Variants in RUBCN observed in about 807,000 individuals in gnomAD.
RUBCN encodes the protein run domain Beclin-1-interacting and cysteine-rich domain-containing protein.
In RUBCN, 74 loss-of-function variants were observed where a neutral mutation model predicts 113.2. The ratio of observed to expected loss-of-function variants is 0.65; its 90% CI spans 0.54 to 0.79. The LOEUF (loss-of-function observed/expected upper bound fraction) is 0.79, where lower values mean the gene tolerates loss of function less well. Among genes scored for constraint, RUBCN ranks in the 30% least tolerant of loss-of-function variants. The probability of loss-of-function intolerance (pLI) is 0.00; values close to 1 mark genes in which losing one functional copy is unlikely to be tolerated. For synonymous variants in RUBCN, 480 were observed against 490.0 expected (o/e 0.98, Z 0.27); for missense variants, 1,109 against 1,251.7 (o/e 0.89, Z 1.72).
In RUBCN at chr3:197,674,903, A is replaced by T; in HGVS notation, c.*115T>A. On this transcript the variant is annotated 3_prime_UTR_variant, in exon 20 of 20. Coordinates refer to ENST00000296343, the MANE Select transcript of RUBCN (RefSeq NM_014687.4). Reference sequence around the variant, plus strand: ...AGTAAAAAAAAAAAAAAAGATGATGATAATTAAAAAAAAAAAAAAAAAAAG... The same window carrying T: ...AGTAAAAAAAAAAAAAAAGATGATGTTAATTAAAAAAAAAAAAAAAAAAAG... The T allele has an allele frequency of 6.2e-6, 5 of 812,058 alleles. No individual in the cohort carries two copies. Among genetic ancestry groups the T allele is most frequent in the Non-Finnish European group, 9.2e-6 (5 of 544,562 alleles). 50.3% of individuals were successfully genotyped at this position (812,058 alleles called of 1,614,324 possible).
chr3:197,704,856 C>A (rs1724107546), intron 3 of RUBCN, among the ~76,000 whole-genome samples, 155 bp from the exon 4 acceptor site: 2 of 151,808 alleles, frequency 1.3e-5, no homozygotes, highest in Admixed American at 1.3e-4. Flanking sequence ...TTGAAAATAG[C>A]AAAACTTTTT....
Position 197,678,481 on chromosome 3 carries a change from C to T in RUBCN, c.2431-940G>A, listed in dbSNP as rs373982758. Among the ~76,000 whole-genome samples the T allele has an allele frequency of 4.6e-5, 7 of 150,708 alleles. No individual in the cohort carries two copies. The East Asian group carries it at 9.9e-4, about 21-fold the overall frequency. On this transcript the variant is annotated intron_variant, in intron 16 of 19. Coordinates refer to ENST00000296343, the MANE Select transcript of RUBCN (RefSeq NM_014687.4). ...TGACAACTGGCTTCAGACTGTCCTA[C>T]GCTCTAACTGACAACTGGCTCCAGA... is the stretch of plus-strand genomic sequence containing the variant.
chr3:197,748,534 A>T lies in RUBCN; in HGVS notation c.-116+735T>A, dbSNP rs147988003. The T allele has an allele frequency of 1.8e-4, 28 of 152,222 alleles. No homozygotes were observed. The East Asian group carries it at 5.4e-3, about 29-fold the overall frequency. The allele number at this position is 152,222 out of a possible 1,614,324, so 9.4% of individuals were successfully genotyped here. On this transcript the variant is annotated intron_variant, in intron 1 of 20. Coordinates refer to the RUBCN transcript ENST00000273582. ...CCCAAAAGCCTAACAAAAATCATAC[A>T]TTTCCCCAAGATAAGACTACTAGGC...
intron 1 of RUBCN, among the ~76,000 whole-genome samples, chr3:197,721,425 T>C (rs986080277): frequency 4.6e-5 from 7 of 152,234 alleles, no homozygotes; most frequent in Admixed American, 3.9e-4. Flanking sequence ...CTAGTGATTC[T>C]TCATAGTTCT....
At chr3:197,703,425 A>AC (rs1723918473) in intron 5 of RUBCN, 123 bp downstream of exon 5, 1 of 441,850 alleles carries the variant, frequency 2.3e-6, no homozygotes, top group African/African-American at 2.2e-5. Flanking sequence ...AAAAAAAAAA[A>AC]AAAAAAATGC....
intron 11 of RUBCN, among the ~76,000 whole-genome samples, chr3:197,692,413 T>C (rs1261260138): frequency 1.3e-5 from 2 of 151,816 alleles, no homozygotes; most frequent in African/African-American, 2.4e-5. Flanking sequence ...CTGGGCATCA[T>C]TCAAGCAAAT....
intron 8 of RUBCN, among the ~76,000 whole-genome samples, chr3:197,696,626 G>T (rs1179692508): frequency 6.9e-6 from 1 of 145,606 alleles, no homozygotes; most frequent in Non-Finnish European, 1.5e-5. Context: ...TCTGTCTGCT[G>T]GTTACTAAGC....
chr3:197,721,336 G>A (rs952263906), intron 1 of RUBCN, among the ~76,000 whole-genome samples: 3 of 152,010 alleles, frequency 2.0e-5, no homozygotes, highest in Non-Finnish European at 2.9e-5. Flanking sequence ...ATTCAGTGTC[G>A]GTAAGCTGTA....
intron 16 of RUBCN, among the ~76,000 whole-genome samples, chr3:197,680,428 TCGA>T (rs1721082176): frequency 7.1e-6 from 1 of 140,934 alleles, no homozygotes; most frequent in South Asian, 2.3e-4. Context: ...ACGCTCTAAC[TCGA>T]CAAGTGGCTT....
chr3:197,723,822 C>G (rs1726433352), intron 1 of RUBCN, among the ~76,000 whole-genome samples: 1 of 152,076 alleles, frequency 6.6e-6, no homozygotes, highest in South Asian at 2.1e-4. Context: ...CAGCCAGGCG[C>G]AGTGGCTCAC....
intron 1 of RUBCN, among the ~76,000 whole-genome samples, chr3:197,743,712 G>A (rs770044335): frequency 3.3e-5 from 5 of 152,190 alleles, no homozygotes; most frequent in Admixed American, 6.5e-5. Context: ...TTGGCCAGGC[G>A]CGGTGGCTCA....
Position 197,681,141 on chromosome 3 carries a change from G to T in RUBCN, c.2418C>A (p.Leu806=). Reference sequence around the variant, plus strand: ...TCCAAGGTCTTACCCGGACTTGATTGAGCAGCTTGACCTTCCTATAGAGGG... The same window carrying T: ...TCCAAGGTCTTACCCGGACTTGATTTAGCAGCTTGACCTTCCTATAGAGGG... The part of the protein sequence containing the change: ...NSALYRKVKL[L]NQVRLLRVQL... The change falls in exon 16 of 20, where the codon CTC becomes CTA. Residue 806 remains leucine, a synonymous_variant. Coordinates refer to ENST00000296343, the MANE Select transcript of RUBCN (RefSeq NM_014687.4). This position sits in a 1 kb window ranked among gnomAD's most constrained non-coding sequence, Gnocchi z 5.5. 6.2e-7 allele frequency: 1 copy of T among 1,612,378 alleles called. No individual in the cohort carries two copies. Among genetic ancestry groups the T allele is most frequent in the South Asian group, 1.1e-5 (1 of 90,996 alleles).
At chr3:197,721,531 T>C (rs1726165081) in intron 1 of RUBCN, among the ~76,000 whole-genome samples, 1 of 152,098 alleles carries the variant, frequency 6.6e-6, no homozygotes, top group African/African-American at 2.4e-5. Flanking sequence ...TAATTTTATC[T>C]TCTGAAACAA....
chr3:197,701,872 GCAAAA>G lies in RUBCN; in HGVS notation c.571-13_571-9del. ...CTCGTGCTTTCTGGCAAACTAAAAAGCAAAACAAAACCAAAAAATGTGTCAGAGTT... is the reference window on the plus strand; with the variant it reads ...CTCGTGCTTTCTGGCAAACTAAAAAGCAAAACCAAAAAATGTGTCAGAGTT... On this transcript the variant is annotated splice_polypyrimidine_tract_variant and intron_variant, in intron 5 of 19. Coordinates refer to ENST00000296343, the MANE Select transcript of RUBCN (RefSeq NM_014687.4). The G allele has an allele frequency of 6.2e-7, 1 of 1,613,842 alleles. No homozygotes were observed. Among genetic ancestry groups the G allele is most frequent in the Non-Finnish European group, 8.5e-7 (1 of 1,179,910 alleles).
chr3:197,721,369 T>A (rs1014684448), intron 1 of RUBCN, among the ~76,000 whole-genome samples: 2 of 152,170 alleles, frequency 1.3e-5, no homozygotes, highest in Admixed American at 1.3e-4. Flanking sequence ...TTTCTTCACT[T>A]CTTCTAGGTT....
intron 9 of RUBCN, among the ~76,000 whole-genome samples, chr3:197,694,972 T>C (rs888925986): frequency 6.6e-6 from 1 of 152,264 alleles, no homozygotes; most frequent in Non-Finnish European, 1.5e-5. Flanking sequence ...TATCTGAGCC[T>C]TAGAACAAAA....
chr3:197,675,640 T>C lies in RUBCN; in HGVS notation c.2647-125A>G, dbSNP rs1407959854. ...CTGCCCACAGGGAGGAGGCCTGGGCTGGACTCAGAAGCATGAAAGCTAAAC... is the reference window on the plus strand; with the variant it reads ...CTGCCCACAGGGAGGAGGCCTGGGCCGGACTCAGAAGCATGAAAGCTAAAC... On this transcript the variant is annotated intron_variant, in intron 18 of 19. Coordinates refer to ENST00000296343, the MANE Select transcript of RUBCN (RefSeq NM_014687.4). The surrounding 1 kb of genome is among the most constrained non-coding windows in gnomAD (Gnocchi z 4.4). The C allele has an allele frequency of 1.2e-5, 9 of 763,498 alleles. No individual in the cohort carries two copies. The highest frequency in any genetic ancestry group is 2.1e-5 in the Non-Finnish European group (9 of 431,990). The allele number at this position is 763,498 out of a possible 1,614,324, so 47.3% of individuals were successfully genotyped here.
At chr3:197,749,759 G>C (rs1321266296), upstream of RUBCN, 1 of 579,686 alleles carries the variant, frequency 1.7e-6, no homozygotes, top group East Asian at 3.6e-5. Context: ...CCGATCCTGC[G>C]AGGGCCGCTA....
intron 11 of RUBCN, among the ~76,000 whole-genome samples, chr3:197,687,417 C>A (rs1721970282): frequency 6.6e-6 from 1 of 152,222 alleles, no homozygotes. Flanking sequence ...TATTGTCTTT[C>A]AACTCCAAAT....
Sources: allele counts gnomAD v4.1 joint callset (sites outside exome capture counted in the v4.1 genomes callset), GRCh38; gene constraint gnomAD v4.1.1; non-coding constraint Gnocchi (gnomAD v3.1); transcripts MANE v1.5; gene names NCBI Gene and HGNC (gene_info 2026-07-23, HGNC 2026-07-21).